Variants in ZDHHC2 observed in about 807,000 individuals in gnomAD.
The protein encoded by ZDHHC2 is palmitoyltransferase ZDHHC2.
In ZDHHC2, 51 loss-of-function variants were observed where a neutral mutation model predicts 55.6. The observed-to-expected ratio is 0.92, with a 90% CI of 0.73 to 1.16. The LOEUF (loss-of-function observed/expected upper bound fraction) is 1.16. Among genes scored for constraint, ZDHHC2 ranks in the 50% most tolerant of loss-of-function variants. The pLI, the probability that ZDHHC2 is intolerant of heterozygous loss-of-function variation, is 0.00. For synonymous variants in ZDHHC2, 199 were observed against 152.9 expected, an observed-to-expected ratio of 1.30 and a Z score of -2.22; for missense variants, 491 against 442.4, an observed-to-expected ratio of 1.11 and a Z score of -0.99.
chr8:17,176,587 A>G (rs1000324567), intron 1 of ZDHHC2, among the ~76,000 whole-genome samples: 4 of 152,198 alleles, frequency 2.6e-5, no homozygotes, highest in African/African-American at 9.6e-5. Flanking sequence ...GCCGTGATCA[A>G]GATCACACAT....
intron 7 of ZDHHC2, among the ~76,000 whole-genome samples, chr8:17,206,786 GA>G (rs1456638362): frequency 6.6e-6 from 1 of 152,122 alleles, no homozygotes; most frequent in African/African-American, 2.4e-5. Context: ...CTGCTGCCAG[GA>G]TTGATGTATT....
chr8:17,174,754 A>G (rs1585660657), intron 1 of ZDHHC2, among the ~76,000 whole-genome samples: 1 of 124,394 alleles, frequency 8.0e-6, no homozygotes, highest in South Asian at 2.6e-4. Context: ...TTTGTTGCCC[A>G]GGCTGGAGTG....
chr8:17,159,996 A>G (rs548660834), intron 1 of ZDHHC2, among the ~76,000 whole-genome samples: 3 of 152,168 alleles, frequency 2.0e-5, no homozygotes, highest in Non-Finnish European at 4.4e-5. Flanking sequence ...CTCAAAGGTA[A>G]CATTTGTACG....
At chr8:17,199,941 T>G (rs1252376916) in intron 6 of ZDHHC2, among the ~76,000 whole-genome samples, 1 of 151,966 alleles carries the variant, frequency 6.6e-6, no homozygotes, top group Non-Finnish European at 1.5e-5. Flanking sequence ...GTACTTTTAG[T>G]AGAGTCGGTT....
intron 1 of ZDHHC2, among the ~76,000 whole-genome samples, chr8:17,177,691 C>G (rs1251300115): frequency 6.6e-6 from 1 of 151,658 alleles, no homozygotes; most frequent in Non-Finnish European, 1.5e-5. Context: ...AAATGTAGAG[C>G]TTGGCTATAA....
At chr8:17,219,935 A>T (rs2150953914) in intron 12 of ZDHHC2, among the ~76,000 whole-genome samples, 1 of 152,300 alleles carries the variant, frequency 6.6e-6, no homozygotes, top group Non-Finnish European at 1.5e-5. Context: ...TGCCACTCAC[A>T]TTGAAGCCCC....
chr8:17,189,980 C>G (rs1285456083), intron 3 of ZDHHC2, among the ~76,000 whole-genome samples: 1 of 152,166 alleles, frequency 6.6e-6, no homozygotes, highest in Non-Finnish European at 1.5e-5. Context: ...CTTAAGGACA[C>G]TTTCTTTTCA....
intron 2 of ZDHHC2, among the ~76,000 whole-genome samples, chr8:17,185,837 A>G (rs750352528): frequency 2.0e-5 from 3 of 152,234 alleles, no homozygotes; most frequent in Non-Finnish European, 4.4e-5. Context: ...CTCTTTGTCC[A>G]GATGTTCTCC....
intron 1 of ZDHHC2, among the ~76,000 whole-genome samples, chr8:17,174,705 C>CTT (rs546670520): frequency 9.7e-5 from 6 of 61,928 alleles, no homozygotes; most frequent in East Asian, 4.7e-4. Context: ...TTGTGTTATT[C>CTT]TTTTTTTTTT....
intron 1 of ZDHHC2, chr8:17,163,000 GT>G (rs1410220424): frequency 2.0e-5 from 3 of 152,280 alleles, no homozygotes. Flanking sequence ...CTGCTATGAA[GT>G]AAGAGGTTGT....
At chr8:17,190,434 G>T (rs779173737) in intron 3 of ZDHHC2, among the ~76,000 whole-genome samples, 1 of 152,056 alleles carries the variant, frequency 6.6e-6, no homozygotes, top group Non-Finnish European at 1.5e-5. Context: ...TTTATAAAAC[G>T]CAAGGTCTTG....
At chr8:17,177,777 T>G (rs1805222400) in intron 1 of ZDHHC2, among the ~76,000 whole-genome samples, 1 of 150,184 alleles carries the variant, frequency 6.7e-6, no homozygotes, top group Admixed American at 6.6e-5. Flanking sequence ...TGTGTGTGTT[T>G]GTGTGTGTGG....
At chr8:17,191,960 A>G (rs1806053658) in intron 3 of ZDHHC2, among the ~76,000 whole-genome samples, 1 of 152,030 alleles carries the variant, frequency 6.6e-6, no homozygotes, top group Non-Finnish European at 1.5e-5. Flanking sequence ...CCATCTCACC[A>G]GCATTTGTTA....
chr8:17,163,657 G>A (rs748270940), intron 1 of ZDHHC2, among the ~76,000 whole-genome samples: 1 of 152,164 alleles, frequency 6.6e-6, no homozygotes, highest in Non-Finnish European at 1.5e-5. Context: ...TCTCCAGGAA[G>A]TGGTGTATTC....
Position 17,156,706 on chromosome 8 carries a change from G to A in ZDHHC2, c.-18G>A, listed in dbSNP as rs760100109. 44 of 1,449,594 alleles carry A rather than the reference G, an allele frequency of 3.0e-5. 1 individual carries two copies. Among genetic ancestry groups the A allele is most frequent in the Middle Eastern group, 2.4e-4 (1 of 4,116 alleles). 89.8% of individuals were successfully genotyped at this position (1,449,594 alleles called of 1,614,324 possible). On this transcript the variant is annotated 5_prime_UTR_variant, in exon 1 of 13. Coordinates refer to ENST00000262096, the MANE Select transcript of ZDHHC2 (RefSeq NM_016353.5). Reference sequence around the variant, plus strand: ...CCGCGGGCGGCGGCGGAGCTGGGCAGGTGGATGCGGCTGGAAGATGGCGCC... The same window carrying A: ...CCGCGGGCGGCGGCGGAGCTGGGCAAGTGGATGCGGCTGGAAGATGGCGCC...
At chr8:17,167,305 T>C (rs1192665816) in intron 1 of ZDHHC2, among the ~76,000 whole-genome samples, 3 of 34,016 alleles carry the variant, frequency 8.8e-5, no homozygotes, top group African/African-American at 2.3e-4. Flanking sequence ...TTTTTTTAAC[T>C]TTTTTTTTTT....
chr8:17,218,113 C>A (rs1807731508), intron 12 of ZDHHC2, among the ~76,000 whole-genome samples: 1 of 152,100 alleles, frequency 6.6e-6, no homozygotes, highest in Non-Finnish European at 1.5e-5. Flanking sequence ...GCTGACCTGG[C>A]AATTTGCCAG....
chr8:17,168,897 G>T (rs879523502), intron 1 of ZDHHC2, among the ~76,000 whole-genome samples: 4 of 152,138 alleles, frequency 2.6e-5, no homozygotes, highest in African/African-American at 7.2e-5. Context: ...ATAATATTTC[G>T]TGGCATGTAT....
intron 3 of ZDHHC2, among the ~76,000 whole-genome samples, chr8:17,187,798 T>G (rs376479005): frequency 5.3e-5 from 8 of 152,212 alleles, no homozygotes; most frequent in African/African-American, 1.9e-4. Flanking sequence ...TGTTTTGAGT[T>G]CTAAACTCCC....
Sources: allele counts gnomAD v4.1 joint callset (sites outside exome capture counted in the v4.1 genomes callset), GRCh38; gene constraint gnomAD v4.1.1; transcripts MANE v1.5; gene names NCBI Gene and HGNC (gene_info 2026-07-23, HGNC 2026-07-21).